Variants in PIK3R6 observed in about 807,000 individuals in gnomAD.
PIK3R6 encodes phosphoinositide 3-kinase regulatory subunit 6.
Under a neutral mutation model 84.9 loss-of-function variants are expected in PIK3R6, and 91 were observed. The observed-to-expected ratio is 1.07, with a 90% CI of 0.90 to 1.28. The LOEUF is 1.28. PIK3R6 is among the 50% of genes most tolerant of loss of function. The pLI, the probability that PIK3R6 is intolerant of heterozygous loss-of-function variation, is 0.00. For missense variants in PIK3R6, 996 were observed against 985.1 expected, an observed-to-expected ratio of 1.01 and a Z score of -0.15; for synonymous variants, 416 against 411.4, an observed-to-expected ratio of 1.01 and a Z score of -0.13.
intron 1 of PIK3R6, 146 bp downstream of exon 1, chr17:8,867,383 C>T (rs1240773580): frequency 6.2e-6 from 1 of 160,124 alleles, no homozygotes; most frequent in African/African-American, 2.4e-5. Flanking sequence ...GAAAGACGGC[C>T]CTGGCAGCCC....
intron 16 of PIK3R6, 121 bp from the exon 17 acceptor site, chr17:8,822,057 T>A: frequency 3.4e-6 from 2 of 587,176 alleles, no homozygotes; most frequent in Non-Finnish European, 5.3e-6. Flanking sequence ...AGAGTCTTTT[T>A]TTTTTTTTTT....
chr17:8,850,219 C>T (rs185473543), intron 1 of PIK3R6, among the ~76,000 whole-genome samples: 58 of 151,132 alleles, frequency 3.8e-4, no homozygotes, highest in African/African-American at 1.3e-3. Flanking sequence ...GCAGGAGAAT[C>T]GCCTGAACCT....
chr17:8,857,814 C>T (rs1311033940), intron 1 of PIK3R6, among the ~76,000 whole-genome samples: 4 of 151,080 alleles, frequency 2.6e-5, no homozygotes, highest in African/African-American at 4.9e-5. Flanking sequence ...GCAGGAGAAT[C>T]GCTTGAATCC....
intron 13 of PIK3R6, among the ~76,000 whole-genome samples, chr17:8,825,361 G>A (rs1023160463): frequency 2.6e-5 from 4 of 152,188 alleles, no homozygotes; most frequent in African/African-American, 4.8e-5. Context: ...AGCATATTCT[G>A]AAAAGTTTTG....
Position 8,803,303 on chromosome 17 carries a change from G to A in PIK3R6, c.2235C>T (p.Pro745=), listed in dbSNP as rs767515178. ...IKAKPKPLLM[P]INTFSGIVQ The stretch of plus-strand genomic sequence containing the variant: ...GGACAATACCAGAGAATGTGTTGAT[G>A]GGCATCAGAAGGGGCTTGGGCTTGG... The change falls in exon 20 of 20, where the codon CCC becomes CCT. Residue 745 remains proline, a synonymous_variant. Coordinates refer to ENST00000619866, the MANE Select transcript of PIK3R6 (RefSeq NM_001010855.4). The surrounding 1 kb of genome is among the most constrained non-coding windows in gnomAD (Gnocchi z 5.0). The A allele has an allele frequency of 1.2e-6, 2 of 1,612,828 alleles. No homozygotes were observed. Among genetic ancestry groups the A allele is most frequent in the Non-Finnish European group, 1.7e-6 (2 of 1,179,774 alleles).
intron 2 of PIK3R6, among the ~76,000 whole-genome samples, chr17:8,840,504 C>T (rs1452333829): frequency 6.9e-6 from 1 of 145,452 alleles, no homozygotes; most frequent in Non-Finnish European, 1.5e-5. Flanking sequence ...TATATATAGC[C>T]TCCAAATATA....
chr17:8,805,786 C>T (rs1205621160), intron 18 of PIK3R6, among the ~76,000 whole-genome samples: 2 of 152,072 alleles, frequency 1.3e-5, no homozygotes, highest in East Asian at 1.9e-4. Context: ...GGCGTAGTGG[C>T]GGGCATCTGT....
At chr17:8,841,330 T>C (rs1314765369) in intron 2 of PIK3R6, among the ~76,000 whole-genome samples, 2 of 152,208 alleles carry the variant, frequency 1.3e-5, no homozygotes, top group Non-Finnish European at 2.9e-5. Context: ...TGTCCTGCCT[T>C]TGGCCTGCCC....
intron 18 of PIK3R6, among the ~76,000 whole-genome samples, chr17:8,814,203 T>G (rs2087451400): frequency 6.9e-6 from 1 of 145,534 alleles, no homozygotes; most frequent in South Asian, 2.2e-4. Flanking sequence ...ACTCTTTAGT[T>G]CAGAGAGAGA....
rs147414456 is a variant in PIK3R6, at chr17:8,841,037, C to G, written c.14-1340G>C. 4.3e-3 allele frequency among the ~76,000 whole-genome samples: 661 copies of G among 152,272 alleles called. 4 individuals are homozygous for G. The highest frequency in any genetic ancestry group is 6.8e-3 in the Non-Finnish European group (463 of 68,024). On this transcript the variant is annotated intron_variant, in intron 2 of 19. Transcript: ENST00000619866. ...AAAGTGCTGGGATGACAGGCATGAG[C>G]CACCACGCCAAGCCTTTGCCATTAT...
chr17:8,827,442 G>T, intron 12 of PIK3R6, 148 bp from the exon 13 acceptor site: 1 of 1,020,952 alleles, frequency 9.8e-7, no homozygotes, highest in Non-Finnish European at 1.4e-6. Context: ...TCGTTGTTCT[G>T]TTTTATAAAC....
intron 10 of PIK3R6, 57 bp downstream of exon 10, chr17:8,829,649 T>TAC: frequency 2.0e-6 from 3 of 1,491,192 alleles, no homozygotes; most frequent in Middle Eastern, 1.7e-4. Flanking sequence ...CATGCACGCA[T>TAC]ACACACACAG....
At chr17:8,861,198 A>T (rs922638942) in intron 1 of PIK3R6, among the ~76,000 whole-genome samples, 1 of 151,086 alleles carries the variant, frequency 6.6e-6, no homozygotes, top group African/African-American at 2.5e-5. Flanking sequence ...AAAAAAAAAA[A>T]AGAAAGAAAG....
At chr17:8,825,937 C>G (rs1235294021) in intron 13 of PIK3R6, among the ~76,000 whole-genome samples, 1 of 152,222 alleles carries the variant, frequency 6.6e-6, no homozygotes, top group East Asian at 1.9e-4. Flanking sequence ...AATTCTCTTA[C>G]TATATAAAAG....
rs1238612553 is a variant in PIK3R6 at position 8,839,607 on chromosome 17, C to T, written c.97+7G>A. 2 of 1,563,770 alleles carry T rather than the reference C, an allele frequency of 1.3e-6. No homozygotes were observed. Among genetic ancestry groups the T allele is most frequent in the Non-Finnish European group, 1.7e-6 (2 of 1,153,862 alleles). ...GGGACCAGCTGCTGCTGCCAGCTGG[C>T]TCTTACCTTGGTTGCTCTGCAGGGC... On this transcript the variant is annotated splice_region_variant and intron_variant, in intron 3 of 19. Transcript: ENST00000619866. The surrounding 1 kb of genome is among the most constrained non-coding windows in gnomAD (Gnocchi z 4.2).
At chr17:8,819,632 GTTTCTTTTAC>G (rs1303468001) in intron 17 of PIK3R6, among the ~76,000 whole-genome samples, 1 of 146,772 alleles carries the variant, frequency 6.8e-6, no homozygotes, top group African/African-American at 2.5e-5. Flanking sequence ...ACAGGTCAAG[GTTTCTTTTAC>G]TTTCTTTTTT....
intron 7 of PIK3R6, among the ~76,000 whole-genome samples, chr17:8,835,765 C>G (rs2088435406): frequency 6.6e-6 from 1 of 152,098 alleles, no homozygotes; most frequent in Non-Finnish European, 1.5e-5. Flanking sequence ...CATCCTGGCC[C>G]AGGGACCAGG....
chr17:8,836,664 C>G, intron 6 of PIK3R6, 48 bp from the exon 7 acceptor site: 1 of 1,613,576 alleles, frequency 6.2e-7, no homozygotes. Context: ...TCTCTGACTC[C>G]CATTCTCCAC....
At chr17:8,828,330 G>A (rs1374599403) in intron 11 of PIK3R6, 140 bp from the exon 12 acceptor site, 3 of 972,018 alleles carry the variant, frequency 3.1e-6, no homozygotes, top group African/African-American at 3.2e-5. Context: ...TACAAAATGG[G>A]TACAGTAATG....
Sources: allele counts gnomAD v4.1 joint callset (sites outside exome capture counted in the v4.1 genomes callset), GRCh38; gene constraint gnomAD v4.1.1; non-coding constraint Gnocchi (gnomAD v3.1); transcripts MANE v1.5; gene names NCBI Gene and HGNC (gene_info 2026-07-23, HGNC 2026-07-21).